The following NTNG2 variants were observed in gnomAD, a reference collection of about 807,000 sequenced individuals.
The protein encoded by NTNG2 is netrin G2.
NTNG2 carries 15 observed loss-of-function variants against 47.6 expected under a neutral mutation model. That is an observed-to-expected ratio of 0.32 (90% CI 0.21 to 0.49). The LOEUF (loss-of-function observed/expected upper bound fraction) is 0.49. NTNG2 is among the 20% of genes least tolerant of loss of function. The probability of loss-of-function intolerance (pLI) is 0.99; values close to 1 mark genes in which losing one functional copy is unlikely to be tolerated. For synonymous variants in NTNG2, 307 were observed against 324.6 expected (o/e 0.95, Z 0.58); for missense variants, 578 against 764.6 (o/e 0.76, Z 2.88).
At chr9:132,234,746 C>T (rs1841498762) in intron 5 of NTNG2, among the ~76,000 whole-genome samples, 1 of 152,272 alleles carries the variant, frequency 6.6e-6, no homozygotes, top group South Asian at 2.1e-4. Flanking sequence ...GGCTGGCTTT[C>T]TCATGGCTCT....
In NTNG2 at chr9:132,197,922, G is replaced by C. The variant is rs11243663; in HGVS notation, c.214-44G>C. ...GCGCAGAGGCTTCCCAGGCCATCCC[G>C]AGCATCCAGCACCCACCCTTCCCTT... On this transcript the variant is annotated intron_variant, in intron 2 of 7. Transcript: ENST00000393229. This position sits in a 1 kb window ranked among gnomAD's most constrained non-coding sequence, Gnocchi z 4.3. 1.3e-6 allele frequency: 2 copies of C among 1,558,192 alleles called. No homozygotes were observed. Among genetic ancestry groups the C allele is most frequent in the Non-Finnish European group, 1.7e-6 (2 of 1,150,682 alleles).
Position 132,203,066 on chromosome 9 carries a change from C to T in NTNG2, c.857+4457C>T, listed in dbSNP as rs532167688. Among the ~76,000 whole-genome samples, 3 of 152,282 alleles carry T rather than the reference C, an allele frequency of 2.0e-5. No homozygotes were observed. In the South Asian group the frequency reaches 6.2e-4, roughly 32 times the overall value. On this transcript the variant is annotated intron_variant, in intron 3 of 7. Transcript: ENST00000393229. The stretch of plus-strand genomic sequence containing the variant: ...AAGTGGGGGAGGCTTGGGGTCAGGG[C>T]TGCCTAGATATGAGGCCATTCCTGC...
rs910843183 is a variant in NTNG2, at chr9:132,241,562, G to A, written c.1358-314G>A. ...CAAGTCGGCGTTAGCCGCGGGCACA[G>A]GGTGAAAGGAGGCTCCAGGCGCGTG... On this transcript the variant is annotated intron_variant, in intron 7 of 7. Transcript: ENST00000393229. 56 of 396,012 alleles carry A rather than the reference G, an allele frequency of 1.4e-4. 1 individual carries two copies. Among genetic ancestry groups the A allele is most frequent in the Non-Finnish European group, 5.5e-5 (12 of 219,454 alleles). 24.5% of individuals were successfully genotyped at this position (396,012 alleles called of 1,614,324 possible).
At position 132,221,723 on chromosome 9, in the gene NTNG2, G is replaced by A. The variant is rs574297417; in HGVS notation, c.858-5126G>A. 1.8e-4 allele frequency among the ~76,000 whole-genome samples: 27 copies of A among 152,300 alleles called. No homozygotes were observed. Among genetic ancestry groups the A allele is most frequent in the Non-Finnish European group, 3.5e-4 (24 of 68,018 alleles). ...TGGGCAGAGCCAGCTGGGGAGGGACGTCTGGATTTGGGTCAGGAGAAACCA... is the reference window on the plus strand; with the variant it reads ...TGGGCAGAGCCAGCTGGGGAGGGACATCTGGATTTGGGTCAGGAGAAACCA... On this transcript the variant is annotated intron_variant, in intron 3 of 7. Transcript: ENST00000393229. This position sits in a 1 kb window ranked among gnomAD's most constrained non-coding sequence, Gnocchi z 4.2.
intron 2 of NTNG2, among the ~76,000 whole-genome samples, chr9:132,172,965 G>A (rs1289179136): frequency 2.6e-5 from 4 of 152,140 alleles, no homozygotes; most frequent in Middle Eastern, 3.4e-3. Context: ...TCCTGACCTC[G>A]TGATCCACCC....
intron 2 of NTNG2, among the ~76,000 whole-genome samples, chr9:132,194,637 C>T (rs1408308714): frequency 6.6e-6 from 1 of 152,232 alleles, no homozygotes; most frequent in Non-Finnish European, 1.5e-5. Context: ...CAGTCCTACC[C>T]TGGCCCGGGC....
intron 2 of NTNG2, among the ~76,000 whole-genome samples, chr9:132,184,879 A>G (rs1837228920): frequency 6.6e-6 from 1 of 152,214 alleles, no homozygotes; most frequent in South Asian, 2.1e-4. Flanking sequence ...CCAAGATCGT[A>G]CCAGTGCACT....
intron 3 of NTNG2, among the ~76,000 whole-genome samples, chr9:132,213,964 A>G (rs944586405): frequency 6.6e-6 from 1 of 152,130 alleles, no homozygotes; most frequent in African/African-American, 2.4e-5. Context: ...CAAGTTGGGG[A>G]CTAGCTCTCC....
chr9:132,218,565 C>T lies in NTNG2; in HGVS notation c.858-8284C>T, dbSNP rs1304844125. Among the ~76,000 whole-genome samples, 2 of 152,076 alleles carry T rather than the reference C, an allele frequency of 1.3e-5. No individual in the cohort carries two copies. Among genetic ancestry groups the T allele is most frequent in the African/African-American group, 4.8e-5 (2 of 41,390 alleles). On this transcript the variant is annotated intron_variant, in intron 3 of 7. Coordinates refer to ENST00000393229, the MANE Select transcript of NTNG2 (RefSeq NM_032536.4). The surrounding 1 kb of genome is among the most constrained non-coding windows in gnomAD (Gnocchi z 5.4). ...AGGCTGGAGTGCAATGGCATGACCT[C>T]GGCCTACTGCAACCTCCACCTGTTG...
chr9:132,195,710 G>C (rs974402346), intron 2 of NTNG2, among the ~76,000 whole-genome samples: 15 of 151,996 alleles, frequency 9.9e-5, no homozygotes, highest in African/African-American at 3.1e-4. Flanking sequence ...GCTCACTGCA[G>C]CCTCAAACTC....
chr9:132,224,432 C>T (rs997198815), intron 3 of NTNG2, among the ~76,000 whole-genome samples: 3 of 152,112 alleles, frequency 2.0e-5, no homozygotes, highest in Non-Finnish European at 1.5e-5. Flanking sequence ...GTTTCACCGC[C>T]CTAAAAATCC....
chr9:132,176,365 C>G (rs997332377), intron 2 of NTNG2, among the ~76,000 whole-genome samples: 34 of 152,184 alleles, frequency 2.2e-4, no homozygotes, highest in African/African-American at 8.0e-4. Flanking sequence ...TTCCCCTGCC[C>G]CTGAAAACCA....
chr9:132,195,656 G>T (rs969306092), intron 2 of NTNG2, among the ~76,000 whole-genome samples: 2 of 151,534 alleles, frequency 1.3e-5, no homozygotes, highest in Admixed American at 1.3e-4. Flanking sequence ...TTAGAGACAG[G>T]GTCTCCCTCT....
At position 132,218,930 on chromosome 9, in the gene NTNG2, T is replaced by G. The variant is rs1421136776; in HGVS notation, c.858-7919T>G. On this transcript the variant is annotated intron_variant, in intron 3 of 7. Transcript: ENST00000393229. This position sits in a 1 kb window ranked among gnomAD's most constrained non-coding sequence, Gnocchi z 5.4. ...CCCGATCATTCATTCACTCACAGCT[T>G]TACCCAGATGTGATTCACACGTTGT... Among the ~76,000 whole-genome samples, 2 of 152,264 alleles carry G rather than the reference T, an allele frequency of 1.3e-5. No homozygotes were observed. Among genetic ancestry groups the G allele is most frequent in the Non-Finnish European group, 2.9e-5 (2 of 68,050 alleles).
chr9:132,198,228 G>A lies in NTNG2; in HGVS notation c.476G>A (p.Arg159His), dbSNP rs1838465202. 7 of 1,613,276 alleles carry A rather than the reference G, an allele frequency of 4.3e-6. No homozygotes were observed. Among genetic ancestry groups the A allele is most frequent in the Non-Finnish European group, 4.2e-6 (5 of 1,180,042 alleles). ...MVLEKSLDNG[R>H]TWQPYQFYAE... ...CTGGAGAAGTCCCTGGACAACGGGC[G>A]CACCTGGCAGCCCTACCAGTTCTAC... The change falls in exon 3 of 8, where the codon CGC becomes CAC. Residue 159 changes from arginine (R) to histidine (H), a missense_variant. Arg to His is a conservative substitution (Grantham distance 29, BLOSUM62 0). Coordinates refer to ENST00000393229, the MANE Select transcript of NTNG2 (RefSeq NM_032536.4).
At chr9:132,216,514 G>C (rs1475489620) in intron 3 of NTNG2, among the ~76,000 whole-genome samples, 2 of 151,550 alleles carry the variant, frequency 1.3e-5, no homozygotes, top group Admixed American at 1.3e-4. Context: ...AAAGCCGTAG[G>C]ATTCTGCAGT....
intron 2 of NTNG2, among the ~76,000 whole-genome samples, chr9:132,192,643 A>G (rs1837982823): frequency 6.6e-6 from 1 of 152,058 alleles, no homozygotes; most frequent in Admixed American, 6.5e-5. Context: ...AGGAAGCAAT[A>G]CTGTGTTTGT....
At chr9:132,207,782 A>G (rs753578749) in intron 3 of NTNG2, among the ~76,000 whole-genome samples, 2 of 152,130 alleles carry the variant, frequency 1.3e-5, no homozygotes, top group Non-Finnish European at 2.9e-5. Flanking sequence ...CAGTACCCCC[A>G]AGTGCCCACA....
intron 5 of NTNG2, among the ~76,000 whole-genome samples, chr9:132,238,309 G>C (rs934766556): frequency 2.0e-5 from 3 of 152,200 alleles, no homozygotes; most frequent in African/African-American, 7.2e-5. Flanking sequence ...CTGGTCCTTG[G>C]AGCGGAGCTG....
Sources: gnomAD v4.1 joint callset for allele counts (sites outside exome capture counted in the v4.1 genomes callset) on GRCh38, gnomAD v4.1.1 for gene constraint, Gnocchi (gnomAD v3.1) non-coding constraint, MANE v1.5 for transcripts, NCBI Gene and HGNC (gene_info 2026-07-23, HGNC 2026-07-21) for gene names.